Variants in ADGRA3 observed in about 807,000 individuals in gnomAD.
The protein encoded by ADGRA3 is adhesion G protein-coupled receptor A3.
Under a neutral mutation model 119.8 loss-of-function variants are expected in ADGRA3, and 56 were observed. The ratio of observed to expected loss-of-function variants is 0.47; its 90% CI spans 0.38 to 0.58. ADGRA3 has a LOEUF of 0.58. ADGRA3 is among the 20% of genes least tolerant of loss of function. The pLI is 0.00. For synonymous variants in ADGRA3, 607 were observed against 623.8 expected (o/e 0.97, Z 0.40); for missense variants, 1,516 against 1,649.0 (o/e 0.92, Z 1.40).
chr4:22,460,177 T>G (rs993036397), intron 3 of ADGRA3, among the ~76,000 whole-genome samples: 19 of 152,130 alleles, frequency 1.2e-4, no homozygotes, highest in Admixed American at 9.8e-4. Flanking sequence ...CTCTCTCCTT[T>G]CCCTAGCAGG....
chr4:22,468,913 G>C (rs1418816686), intron 2 of ADGRA3, among the ~76,000 whole-genome samples: 1 of 152,034 alleles, frequency 6.6e-6, no homozygotes, highest in East Asian at 1.9e-4. Flanking sequence ...AAATTTATAG[G>C]AAGTATAAAT....
At chr4:22,408,287 A>C (rs570764473) in intron 14 of ADGRA3, among the ~76,000 whole-genome samples, 151 of 152,134 alleles carry the variant, frequency 9.9e-4, no homozygotes, top group Middle Eastern at 6.8e-3. Context: ...CAACAACAAC[A>C]ACCAAGAAAT....
intron 2 of ADGRA3, among the ~76,000 whole-genome samples, chr4:22,464,538 C>T (rs28547084): frequency 0.17 from 26,219 of 152,068 alleles, 2,415 homozygotes; most frequent in Middle Eastern, 0.22. Flanking sequence ...GGATAAGTTC[C>T]CTGCTGTGAA....
intron 10 of ADGRA3, among the ~76,000 whole-genome samples, chr4:22,425,400 T>C (rs1467099742): frequency 1.3e-5 from 2 of 152,186 alleles, no homozygotes; most frequent in Admixed American, 1.3e-4. Flanking sequence ...GAAATGCCAC[T>C]GAAAAGTCAA....
chr4:22,495,346 A>G (rs571254282), intron 1 of ADGRA3, among the ~76,000 whole-genome samples: 77 of 152,154 alleles, frequency 5.1e-4, no homozygotes, highest in African/African-American at 1.9e-3. Context: ...GTCGGATCGC[A>G]GGGCCCAGGA....
intron 2 of ADGRA3, among the ~76,000 whole-genome samples, chr4:22,463,164 C>T (rs779095650): frequency 6.6e-6 from 1 of 152,226 alleles, no homozygotes; most frequent in Non-Finnish European, 1.5e-5. Context: ...CCTTACATAA[C>T]AGTGGCAACC....
chr4:22,483,714 A>G (rs1718325316), intron 1 of ADGRA3, among the ~76,000 whole-genome samples: 1 of 152,210 alleles, frequency 6.6e-6, no homozygotes, highest in Admixed American at 6.5e-5. Flanking sequence ...TTAAGTCTGG[A>G]TCCTTAATTA....
At chr4:22,401,750 G>A (rs553824660) in intron 15 of ADGRA3, among the ~76,000 whole-genome samples, 196 bp from the exon 16 acceptor site, 3 of 151,914 alleles carry the variant, frequency 2.0e-5, no homozygotes, top group Admixed American at 6.6e-5. Flanking sequence ...ACTCGATCTC[G>A]TTTCTTAACA....
chr4:22,436,781 G>A, intron 8 of ADGRA3, 140 bp from the exon 9 acceptor site: 1 of 674,012 alleles, frequency 1.5e-6, no homozygotes, highest in East Asian at 2.7e-5. Context: ...ACTGGGCTGG[G>A]AGAAACCTTT....
intron 1 of ADGRA3, among the ~76,000 whole-genome samples, chr4:22,480,582 A>ATT (rs1395912179): frequency 6.6e-6 from 1 of 152,158 alleles, no homozygotes; most frequent in Non-Finnish European, 1.5e-5. Context: ...TATATACACT[A>ATT]TTTCATCCAT....
Position 22,401,329 on chromosome 4 carries a change from TAAAG to T in ADGRA3, c.2481+98_2481+101del, listed in dbSNP as rs1714630103. On this transcript the variant is annotated intron_variant, in intron 16 of 18. Transcript: ENST00000334304. ...GACAATAAATTTAACTTTAATCAGTTAAAGAAAAGGTATTAAAGAATGATTTTTT... is the reference window on the plus strand; with the variant it reads ...GACAATAAATTTAACTTTAATCAGTTAAAAGGTATTAAAGAATGATTTTTT... 3 of 1,043,474 alleles carry T rather than the reference TAAAG, an allele frequency of 2.9e-6. No individual in the cohort carries two copies. In the East Asian group the frequency reaches 8.1e-5, roughly 28 times the overall value. The allele number at this position is 1,043,474 out of a possible 1,614,324, so 64.6% of individuals were successfully genotyped here.
chr4:22,457,436 T>G (rs7654335), intron 3 of ADGRA3, among the ~76,000 whole-genome samples: 144,779 of 152,252 alleles, frequency 0.95, 68,987 homozygotes, highest in Non-Finnish European at 0.99. Flanking sequence ...TATCTTTATA[T>G]CCCGTTGAGT....
At chr4:22,484,656 AGAATAC>A (rs1718370371) in intron 1 of ADGRA3, among the ~76,000 whole-genome samples, 1 of 141,964 alleles carries the variant, frequency 7.0e-6, no homozygotes, top group Non-Finnish European at 1.6e-5. Context: ...GATACCATGC[AGAATAC>A]AAATGGTTAA....
Position 22,473,816 on chromosome 4 carries a change from C to T in ADGRA3, c.285G>A (p.Glu95=), listed in dbSNP as rs761598164. Residue 95 remains glutamate (E), a synonymous_variant, in exon 2 of 19, where the codon GAG becomes GAA. Transcript: ENST00000334304. ...ACCCAGAAAATGAGCCATTCTTCAG[C>T]TCGGATATCTTATTGTTACTCAGAA... ...TLILSNNKIS[E]LKNGSFSGLS... The T allele has an allele frequency of 6.2e-6, 10 of 1,606,642 alleles. No individual in the cohort carries two copies. In the African/African-American group the frequency reaches 1.2e-4, roughly 19 times the overall value.
At chr4:22,459,150 T>TA (rs148192230) in intron 3 of ADGRA3, among the ~76,000 whole-genome samples, 35 of 151,410 alleles carry the variant, frequency 2.3e-4, no homozygotes, top group Admixed American at 2.6e-4. Context: ...GCAAAAGCAA[T>TA]AAAAAAAAAT....
intron 1 of ADGRA3, among the ~76,000 whole-genome samples, chr4:22,507,113 G>T (rs1166879122): frequency 6.6e-6 from 1 of 151,932 alleles, no homozygotes; most frequent in Non-Finnish European, 1.5e-5. Context: ...GGTGGCGGGT[G>T]ACTGTAGTCC....
At chr4:22,498,038 C>T (rs1042657332) in intron 1 of ADGRA3, among the ~76,000 whole-genome samples, 1 of 150,434 alleles carries the variant, frequency 6.6e-6, no homozygotes, top group Non-Finnish European at 1.5e-5. Context: ...GTCGGGAGTT[C>T]AAGACCAGCC....
intron 1 of ADGRA3, among the ~76,000 whole-genome samples, chr4:22,493,872 G>T (rs1376751166): frequency 6.6e-6 from 1 of 152,058 alleles, no homozygotes; most frequent in Non-Finnish European, 1.5e-5. Context: ...CAGTAAAAAA[G>T]CCAGCCAAAA....
intron 1 of ADGRA3, among the ~76,000 whole-genome samples, chr4:22,502,243 G>A (rs1325903406): frequency 6.6e-6 from 1 of 152,164 alleles, no homozygotes; most frequent in East Asian, 1.9e-4. Flanking sequence ...TAATTAGTAA[G>A]TATGAAACCA....
Sources: gnomAD v4.1 joint callset for allele counts (sites outside exome capture counted in the v4.1 genomes callset) on GRCh38, gnomAD v4.1.1 for gene constraint, MANE v1.5 for transcripts, NCBI Gene and HGNC (gene_info 2026-07-23, HGNC 2026-07-21) for gene names.